Variants in PDE10A observed in about 807,000 individuals in gnomAD.
PDE10A encodes cAMP and cAMP-inhibited cGMP 3',5'-cyclic phosphodiesterase 10A.
Under a neutral mutation model 97.7 loss-of-function variants are expected in PDE10A, and 39 were observed. The ratio of observed to expected loss-of-function variants is 0.40; its 90% CI spans 0.31 to 0.52. The LOEUF is 0.52. Among genes scored for constraint, PDE10A ranks in the 20% least tolerant of loss-of-function variants. PDE10A has a pLI of 0.56. For synonymous variants in PDE10A, 371 were observed against 376.8 expected, an observed-to-expected ratio of 0.98 and a Z score of 0.18; for missense variants, 731 against 1,047.8, an observed-to-expected ratio of 0.70 and a Z score of 4.17.
intron 1 of PDE10A, chr6:165,780,331 A>G (rs546971388): frequency 6.6e-6 from 1 of 152,378 alleles, no homozygotes; most frequent in African/African-American, 2.4e-5. Flanking sequence ...GATTATAACA[A>G]TTATCTTCAC....
intron 1 of PDE10A, among the ~76,000 whole-genome samples, chr6:165,635,266 C>T (rs1222359557): frequency 1.3e-5 from 2 of 152,182 alleles, no homozygotes; most frequent in Admixed American, 6.5e-5. Flanking sequence ...TTAAAAGGTA[C>T]GTGCCTAACA....
chr6:165,641,159 G>A (rs748110295), intron 1 of PDE10A, among the ~76,000 whole-genome samples: 22 of 152,132 alleles, frequency 1.4e-4, no homozygotes, highest in Non-Finnish European at 2.9e-4. Flanking sequence ...ACACGTGGGG[G>A]CCAGTAAGGG....
intron 2 of PDE10A, among the ~76,000 whole-genome samples, chr6:165,521,640 C>T (rs1330032659): frequency 6.6e-6 from 1 of 152,160 alleles, no homozygotes; most frequent in Admixed American, 6.6e-5. Flanking sequence ...CACGTCAAAG[C>T]CTATCCAGAA....
At chr6:165,396,211 T>C in intron 14 of PDE10A, 106 bp downstream of exon 14, 3 of 991,118 alleles carry the variant, frequency 3.0e-6, no homozygotes, top group Non-Finnish European at 3.0e-6. Context: ...ACTCCACATG[T>C]AATATGTGTA....
At chr6:165,977,918 A>G (rs1784897434) in intron 1 of PDE10A, among the ~76,000 whole-genome samples, 1 of 152,248 alleles carries the variant, frequency 6.6e-6, no homozygotes, top group African/African-American at 2.4e-5. Flanking sequence ...GCACTTAAAA[A>G]GAGCAAGCTA....
Position 165,376,887 on chromosome 6 carries a change from T to C in PDE10A, c.2783+2307A>G, listed in dbSNP as rs555836308. ...TGAGCTATGATGATGCCACTGCATG[T>C]TGACAGGCTGAACAAGACCCCATCT... On this transcript the variant is annotated intron_variant, in intron 18 of 21. Coordinates refer to ENST00000539869, the MANE Select transcript of PDE10A (RefSeq NM_001385079.1). Among the ~76,000 whole-genome samples, 23 of 152,242 alleles carry C rather than the reference T, an allele frequency of 1.5e-4. No individual in the cohort carries two copies. The South Asian group carries it at 2.9e-3, about 19-fold the overall frequency.
At chr6:165,867,737 A>G (rs2128477879) in intron 1 of PDE10A, among the ~76,000 whole-genome samples, 1 of 152,252 alleles carries the variant, frequency 6.6e-6, no homozygotes, top group South Asian at 2.1e-4. Flanking sequence ...TCTCCTTATC[A>G]GCACATAGAA....
At chr6:165,753,916 C>T (rs942782890) in intron 1 of PDE10A, among the ~76,000 whole-genome samples, 54 of 152,194 alleles carry the variant, frequency 3.5e-4, no homozygotes, top group African/African-American at 1.1e-3. Flanking sequence ...ACATGTCAAA[C>T]TAGTAAGAGA....
intron 18 of PDE10A, among the ~76,000 whole-genome samples, chr6:165,358,189 C>A (rs969278414): frequency 6.6e-6 from 1 of 152,048 alleles, no homozygotes; most frequent in East Asian, 1.9e-4. Context: ...AGACTTCAAT[C>A]TTTTGAAATT....
At chr6:165,854,825 G>A (rs996071895) in intron 1 of PDE10A, among the ~76,000 whole-genome samples, 4 of 152,314 alleles carry the variant, frequency 2.6e-5, no homozygotes, top group African/African-American at 9.6e-5. Context: ...GCGGCCCGTG[G>A]CCTTGGCGGC....
chr6:165,396,292 G>A (rs1786153576), intron 14 of PDE10A, 25 bp downstream of exon 14: 4 of 1,603,098 alleles, frequency 2.5e-6, no homozygotes, highest in African/African-American at 1.3e-5. Context: ...GGTTCCTGAA[G>A]AAACTGACAG....
At position 165,497,598 on chromosome 6, in the gene PDE10A, CTCT is replaced by C. The variant is rs1341941577; in HGVS notation, c.995-15258_995-15256del. 5.3e-5 allele frequency among the ~76,000 whole-genome samples: 8 copies of C among 152,288 alleles called. No individual in the cohort carries two copies. The East Asian group carries it at 1.3e-3, about 26-fold the overall frequency. ...TCATGACACAACCACGTATATACGA[CTCT>C]TCTTTTCCATAGTTTACTTCATAGA... is the stretch of plus-strand genomic sequence containing the variant. On this transcript the variant is annotated intron_variant, in intron 2 of 21. Transcript: ENST00000539869.
chr6:165,663,341 C>T (rs1362493131), upstream of PDE10A, among the ~76,000 whole-genome samples: 2 of 152,026 alleles, frequency 1.3e-5, no homozygotes, highest in African/African-American at 2.4e-5. Flanking sequence ...GCTCCCGCAC[C>T]CGAGTGATCC....
chr6:165,836,380 G>A (rs1780064156), intron 1 of PDE10A, among the ~76,000 whole-genome samples: 1 of 152,236 alleles, frequency 6.6e-6, no homozygotes, highest in East Asian at 1.9e-4. Context: ...CGTCGGCACA[G>A]CCCCTCTTAG....
intron 1 of PDE10A, among the ~76,000 whole-genome samples, chr6:165,695,673 G>T (rs1582946649): frequency 6.6e-6 from 1 of 152,186 alleles, no homozygotes; most frequent in African/African-American, 2.4e-5. Context: ...TCTGGAGGAG[G>T]TTAAACCTGA....
intron 17 of PDE10A, 49 bp from the exon 18 acceptor site, chr6:165,379,415 A>C (rs779368735): frequency 7.1e-7 from 1 of 1,415,944 alleles, no homozygotes; most frequent in Non-Finnish European, 9.8e-7. Context: ...CACAAGCTCT[A>C]ATCTTATGAC....
chr6:165,906,203 C>T (rs538483661), intron 1 of PDE10A, among the ~76,000 whole-genome samples: 17 of 150,242 alleles, frequency 1.1e-4, no homozygotes, highest in African/African-American at 3.4e-4. Flanking sequence ...CTTAAAGTCA[C>T]GTAAGACCCT....
chr6:165,825,060 A>G (rs546987627), intron 1 of PDE10A, among the ~76,000 whole-genome samples: 17 of 150,002 alleles, frequency 1.1e-4, no homozygotes, highest in African/African-American at 4.2e-4. Flanking sequence ...GAGGCAGAGA[A>G]CTGCTTGAAC....
intron 1 of PDE10A, among the ~76,000 whole-genome samples, chr6:165,933,078 A>T (rs74610544): frequency 0.044 from 6,632 of 152,274 alleles, 200 homozygotes; most frequent in Non-Finnish European, 0.061. Flanking sequence ...ATATGAAGAC[A>T]TTAGGAGTCT....
Sources: gnomAD v4.1 joint callset for allele counts (sites outside exome capture counted in the v4.1 genomes callset) on GRCh38, gnomAD v4.1.1 for gene constraint, MANE v1.5 for transcripts, NCBI Gene and HGNC (gene_info 2026-07-23, HGNC 2026-07-21) for gene names.